RAB31: variants seen among roughly 807,000 people sequenced by gnomAD.
The protein encoded by RAB31 is ras-related protein Rab-31.
Under a neutral mutation model 25.6 loss-of-function variants are expected in RAB31, and 21 were observed. That is an observed-to-expected ratio of 0.82 (90% CI 0.58 to 1.18). The LOEUF (loss-of-function observed/expected upper bound fraction) is 1.18, where lower values mean the gene tolerates loss of function less well. Ranked by LOEUF, RAB31 falls within the 50% of genes most tolerant of loss-of-function variation. The pLI is 0.00. For missense variants in RAB31, 196 were observed against 250.1 expected, an observed-to-expected ratio of 0.78 and a Z score of 1.46; for synonymous variants, 87 against 84.0, an observed-to-expected ratio of 1.04 and a Z score of -0.20.
intron 2 of RAB31, among the ~76,000 whole-genome samples, chr18:9,777,507 G>A (rs979837303): frequency 2.6e-5 from 4 of 152,076 alleles, no homozygotes; most frequent in East Asian, 3.8e-4. Flanking sequence ...ACATAGGCGC[G>A]CTTGTATGAT....
chr18:9,741,716 G>A (rs1020050379), intron 1 of RAB31, among the ~76,000 whole-genome samples: 7 of 152,204 alleles, frequency 4.6e-5, no homozygotes, highest in Non-Finnish European at 1.0e-4. Context: ...GCCACTGCTA[G>A]GCTGTCCTGC....
At chr18:9,774,667 G>C (rs1047796992) in intron 1 of RAB31, among the ~76,000 whole-genome samples, 7 of 152,172 alleles carry the variant, frequency 4.6e-5, no homozygotes, top group African/African-American at 1.7e-4. Flanking sequence ...ATAAATGCGT[G>C]CATTGAATTT....
chr18:9,722,216 A>G (rs1477982410), intron 1 of RAB31, among the ~76,000 whole-genome samples: 1 of 152,184 alleles, frequency 6.6e-6, no homozygotes, highest in Non-Finnish European at 1.5e-5. Flanking sequence ...GTTTTGGTAC[A>G]GAGCAAGGAC....
rs200374309 is a variant in RAB31 at position 9,801,443 on chromosome 18, G to A, written c.201+9208G>A. ...ATTACAGCCAGCTGCCACCATGCCC[G>A]GCTGATTTTTTGTATTTTTAGTAGA... On this transcript the variant is annotated intron_variant, in intron 3 of 6. Transcript: ENST00000578921. Among the ~76,000 whole-genome samples the A allele has an allele frequency of 1.5e-4, 23 of 152,042 alleles. No homozygotes were observed. In the East Asian group the frequency reaches 4.1e-3, roughly 27 times the overall value.
intron 1 of RAB31, among the ~76,000 whole-genome samples, chr18:9,746,904 G>A (rs890294812): frequency 6.6e-6 from 1 of 152,136 alleles, no homozygotes; most frequent in East Asian, 1.9e-4. Flanking sequence ...AGTAACAAAA[G>A]AAAATGCATA....
chr18:9,801,447 G>A (rs2143048976), intron 3 of RAB31, among the ~76,000 whole-genome samples: 1 of 151,988 alleles, frequency 6.6e-6, no homozygotes. Context: ...ATGCCCGGCT[G>A]ATTTTTTGTA....
chr18:9,715,382 C>G (rs1231145030), intron 1 of RAB31, among the ~76,000 whole-genome samples: 1 of 151,042 alleles, frequency 6.6e-6, no homozygotes, highest in African/African-American at 2.4e-5. Flanking sequence ...CTCTCTAGCA[C>G]TGGGTCTTTT....
intron 1 of RAB31, among the ~76,000 whole-genome samples, chr18:9,746,244 T>C (rs1274266156): frequency 6.6e-6 from 1 of 152,176 alleles, no homozygotes; most frequent in East Asian, 1.9e-4. Flanking sequence ...TAAAGAACAT[T>C]TCACATTGCT....
chr18:9,755,706 C>T (rs2068257300), intron 1 of RAB31, among the ~76,000 whole-genome samples: 1 of 152,180 alleles, frequency 6.6e-6, no homozygotes, highest in East Asian at 1.9e-4. Flanking sequence ...GAGGTTTGTC[C>T]ACATGTGAGG....
At chr18:9,796,418 G>A (rs2068487423) in intron 3 of RAB31, among the ~76,000 whole-genome samples, 1 of 152,124 alleles carries the variant, frequency 6.6e-6, no homozygotes, top group South Asian at 2.1e-4. Context: ...AAAGAAGCAT[G>A]CTAAAATATA....
intron 1 of RAB31, among the ~76,000 whole-genome samples, chr18:9,715,419 T>G (rs1357039912): frequency 2.0e-5 from 3 of 151,886 alleles, no homozygotes; most frequent in African/African-American, 7.2e-5. Context: ...GCCCCCTTTT[T>G]TTTTTTTTGA....
At chr18:9,844,278 C>T (rs1599064287) in intron 5 of RAB31, among the ~76,000 whole-genome samples, 1 of 152,118 alleles carries the variant, frequency 6.6e-6, no homozygotes, top group South Asian at 2.1e-4. Flanking sequence ...CATTCGGGCC[C>T]GTGTCATTCA....
intron 5 of RAB31, among the ~76,000 whole-genome samples, chr18:9,820,665 A>G (rs891474795): frequency 6.6e-6 from 1 of 152,022 alleles, no homozygotes; most frequent in Non-Finnish European, 1.5e-5. Context: ...AGTTCATAGT[A>G]TTATCTCATA....
chr18:9,827,474 A>C (rs1028055647), intron 5 of RAB31, among the ~76,000 whole-genome samples: 14 of 152,140 alleles, frequency 9.2e-5, no homozygotes, highest in South Asian at 2.1e-4. Flanking sequence ...CCTCTGCCTA[A>C]GATTCCTCCT....
chr18:9,735,413 T>TTTAA lies in RAB31; in HGVS notation c.39+26969_39+26970insTTAA, dbSNP rs2068146325. On this transcript the variant is annotated intron_variant, in intron 1 of 6. Transcript: ENST00000578921. ...ACAGTTGGGCTGAAGCTCTGTTTCCTCTTTAAGTGGTAATGCCTCACACCA... is the reference window on the plus strand; with the variant it reads ...ACAGTTGGGCTGAAGCTCTGTTTCCTTTAACTTTAAGTGGTAATGCCTCACACCA... 10 of 218,210 alleles carry TTTAA rather than the reference T, an allele frequency of 4.6e-5. No individual in the cohort carries two copies. The South Asian group carries it at 7.8e-4, about 17-fold the overall frequency. The allele number at this position is 218,210 out of a possible 1,614,324, so 13.5% of individuals were successfully genotyped here.
intron 3 of RAB31, among the ~76,000 whole-genome samples, chr18:9,811,809 G>T (rs1005838221): frequency 6.6e-6 from 1 of 152,096 alleles, no homozygotes; most frequent in African/African-American, 2.4e-5. Context: ...GCTGTTTTGA[G>T]ACTATTTCTC....
intron 1 of RAB31, among the ~76,000 whole-genome samples, chr18:9,769,528 C>T (rs973909340): frequency 6.6e-6 from 1 of 152,148 alleles, no homozygotes; most frequent in African/African-American, 2.4e-5. Context: ...GATTTTTGCA[C>T]ATTGATTTTG....
At chr18:9,725,996 A>G (rs1426552371) in intron 1 of RAB31, 1 of 152,234 alleles carries the variant, frequency 6.6e-6, no homozygotes, top group Non-Finnish European at 1.5e-5. Flanking sequence ...AAATAACTCT[A>G]TGTGGTTGGC....
intron 2 of RAB31, among the ~76,000 whole-genome samples, chr18:9,778,148 G>A (rs892548500): frequency 3.9e-5 from 6 of 152,126 alleles, no homozygotes; most frequent in Non-Finnish European, 8.8e-5. Context: ...TTAAGCATAG[G>A]TATAGGCATC....
Sources: allele counts gnomAD v4.1 joint callset (sites outside exome capture counted in the v4.1 genomes callset), GRCh38; gene constraint gnomAD v4.1.1; transcripts MANE v1.5; gene names NCBI Gene and HGNC (gene_info 2026-07-23, HGNC 2026-07-21).